NTAQ1: variants seen among roughly 807,000 people sequenced by gnomAD.
NTAQ1 encodes the protein protein N-terminal glutamine amidohydrolase.
In NTAQ1, 21 loss-of-function variants were observed where a neutral mutation model predicts 28.2. That is an observed-to-expected ratio of 0.74 (90% CI 0.53 to 1.07). The LOEUF is 1.07. Ranked by LOEUF, NTAQ1 falls within the 50% of genes least tolerant of loss-of-function variation. The pLI is 0.00. For missense variants in NTAQ1, 264 were observed against 256.6 expected, an observed-to-expected ratio of 1.03 and a Z score of -0.20; for synonymous variants, 105 against 90.0, an observed-to-expected ratio of 1.17 and a Z score of -0.94.
downstream of NTAQ1, among the ~76,000 whole-genome samples, chr8:123,472,199 A>T (rs1159123222): frequency 6.6e-6 from 1 of 152,192 alleles, no homozygotes; most frequent in East Asian, 1.9e-4. Flanking sequence ...GCTAAAAAAT[A>T]TCCAAAGCTA....
In NTAQ1 at chr8:123,438,875, C is replaced by G. The variant is rs559421294; in HGVS notation, c.508+1541C>G. 1.5e-3 allele frequency among the ~76,000 whole-genome samples: 233 copies of G among 152,224 alleles called. 1 individual carries two copies. Among genetic ancestry groups the G allele is most frequent in the Middle Eastern group, 0.014 (4 of 294 alleles). Reference sequence around the variant, plus strand: ...CTGCTTCCTGGCCTCAGTGTGAGAACTGGGGAAGCTCCCTGGTAAGGAGAG... The same window carrying G: ...CTGCTTCCTGGCCTCAGTGTGAGAAGTGGGGAAGCTCCCTGGTAAGGAGAG... On this transcript the variant is annotated intron_variant, in intron 5 of 5. Coordinates refer to ENST00000287387, the MANE Select transcript of NTAQ1 (RefSeq NM_018024.3).
downstream of NTAQ1, among the ~76,000 whole-genome samples, chr8:123,449,949 G>GTATATATA (rs772958901): frequency 1.2e-4 from 1 of 8,210 alleles, no homozygotes; most frequent in African/African-American, 2.4e-4. Flanking sequence ...GTGTGTGTGT[G>GTATATATA]CATATATATA....
intron 6 of NTAQ1, among the ~76,000 whole-genome samples, chr8:123,459,882 A>T (rs1170497035): frequency 2.0e-5 from 3 of 148,754 alleles, no homozygotes; most frequent in Non-Finnish European, 4.5e-5. Context: ...GCTCACCGCA[A>T]CCTCCGCCTC....
At chr8:123,420,893 G>A (rs572157969) in intron 1 of NTAQ1, among the ~76,000 whole-genome samples, 2 of 147,748 alleles carry the variant, frequency 1.4e-5, no homozygotes, top group African/African-American at 5.0e-5. Context: ...GGGTTCAAGC[G>A]GTTCTGCTTC....
downstream of NTAQ1, among the ~76,000 whole-genome samples, chr8:123,451,558 C>G (rs1051184629): frequency 2.6e-5 from 4 of 152,064 alleles, no homozygotes; most frequent in Admixed American, 1.3e-4. Flanking sequence ...AGTCTGGTCT[C>G]GAACTCTTGA....
downstream of NTAQ1, among the ~76,000 whole-genome samples, chr8:123,450,356 A>G (rs1031982061): frequency 2.0e-5 from 3 of 150,468 alleles, no homozygotes; most frequent in East Asian, 2.0e-4. Context: ...TGGGGATGAC[A>G]GCCTAATTTC....
Position 123,436,613 on chromosome 8 carries a change from C to G in NTAQ1, c.383+12C>G. ...CCACAGTTTAGGAGGTGAGGACATT[C>G]AAGATGGATTTACTTATTTTCTGAA... On this transcript the variant is annotated intron_variant, in intron 4 of 5. Coordinates refer to ENST00000287387, the MANE Select transcript of NTAQ1 (RefSeq NM_018024.3). 6.2e-7 allele frequency: 1 copy of G among 1,605,106 alleles called. No homozygotes were observed. Among genetic ancestry groups the G allele is most frequent in the Admixed American group, 1.7e-5 (1 of 57,850 alleles).
intron 6 of NTAQ1, among the ~76,000 whole-genome samples, chr8:123,459,725 C>T (rs112415818): frequency 0.022 from 3,300 of 152,022 alleles, 123 homozygotes; most frequent in African/African-American, 0.075. Context: ...CCTAGAACCC[C>T]TATTGCTCAG....
rs1376576359 is a variant in NTAQ1, at chr8:123,462,483, C to CTTCT, written c.373-4595_373-4592dup. On this transcript the variant is annotated intron_variant, in intron 6 of 6. Coordinates refer to the NTAQ1 transcript ENST00000650311. ...TTTTGAAGTACACAAGGCACTAGGACTTCTAAGGCACTCTCTTAGAAGCCT... is the reference window on the plus strand; with the variant it reads ...TTTTGAAGTACACAAGGCACTAGGACTTCTTTCTAAGGCACTCTCTTAGAAGCCT... 2.0e-5 allele frequency among the ~76,000 whole-genome samples: 3 copies of CTTCT among 152,302 alleles called. No individual in the cohort carries two copies. The East Asian group carries it at 5.8e-4, about 29-fold the overall frequency.
intron 1 of NTAQ1, among the ~76,000 whole-genome samples, chr8:123,427,126 C>G (rs1814105558): frequency 6.6e-6 from 1 of 152,074 alleles, no homozygotes; most frequent in Non-Finnish European, 1.5e-5. Context: ...CCATCCTGCC[C>G]CATTTCTAAA....
intron 6 of NTAQ1, among the ~76,000 whole-genome samples, chr8:123,456,325 G>T (rs561785623): frequency 2.0e-5 from 3 of 152,080 alleles, no homozygotes; most frequent in Non-Finnish European, 4.4e-5. Context: ...TTGCTCTGTC[G>T]CTCAGGCTGG....
rs1563892928 is a variant in NTAQ1, at chr8:123,437,350, T to C, written c.508+16T>C. 1 of 1,613,534 alleles carries C rather than the reference T, an allele frequency of 6.2e-7. No homozygotes were observed. The highest frequency in any genetic ancestry group is 8.5e-7 in the Non-Finnish European group (1 of 1,179,702). On this transcript the variant is annotated intron_variant, in intron 5 of 5. Coordinates refer to ENST00000287387, the MANE Select transcript of NTAQ1 (RefSeq NM_018024.3). ...GAGACTGGAGGTGAGCCAAGATGCCTTCTCAGATGGGGGTTCTGATTGATC... is the reference window on the plus strand; with the variant it reads ...GAGACTGGAGGTGAGCCAAGATGCCCTCTCAGATGGGGGTTCTGATTGATC...
intron 6 of NTAQ1, among the ~76,000 whole-genome samples, chr8:123,453,093 G>A (rs1281600083): frequency 6.6e-6 from 1 of 152,178 alleles, no homozygotes; most frequent in African/African-American, 2.4e-5. Context: ...ACACCGTTCT[G>A]GCACACGCTG....
At chr8:123,459,981 G>A (rs970610778) in intron 6 of NTAQ1, among the ~76,000 whole-genome samples, 1 of 151,886 alleles carries the variant, frequency 6.6e-6, no homozygotes, top group African/African-American at 2.4e-5. Flanking sequence ...TGTATTTTTA[G>A]TGGAGACGGG....
downstream of NTAQ1, among the ~76,000 whole-genome samples, chr8:123,471,017 C>T (rs941561159): frequency 6.6e-6 from 1 of 151,594 alleles, no homozygotes; most frequent in Non-Finnish European, 1.5e-5. Context: ...ACTTCCTGGG[C>T]TCAGGTGATC....
chr8:123,429,831 G>T, intron 2 of NTAQ1, 152 bp from the exon 3 acceptor site: 2 of 456,694 alleles, frequency 4.4e-6, no homozygotes, highest in African/African-American at 2.3e-5. Context: ...AGTAAGCCCA[G>T]ATTGTGCCAC....
At chr8:123,455,421 A>ATTTTTTTT (rs925294146) in intron 6 of NTAQ1, among the ~76,000 whole-genome samples, 2 of 115,482 alleles carry the variant, frequency 1.7e-5, no homozygotes, top group African/African-American at 6.9e-5. Flanking sequence ...ATGCCCAGAA[A>ATTTTTTTT]TTTTTTTTTT....
At chr8:123,450,890 A>G (rs1370597046), downstream of NTAQ1, among the ~76,000 whole-genome samples, 1 of 152,068 alleles carries the variant, frequency 6.6e-6, no homozygotes, top group Non-Finnish European at 1.5e-5. Flanking sequence ...TAAAAACCAG[A>G]CTATCTCATT....
Position 123,461,263 on chromosome 8 carries a change from C to A in NTAQ1, c.373-5816C>A, listed in dbSNP as rs936194708. Among the ~76,000 whole-genome samples, 5 of 152,132 alleles carry A rather than the reference C, an allele frequency of 3.3e-5. No homozygotes were observed. The South Asian group carries it at 1.0e-3, about 32-fold the overall frequency. ...CCAGGGTCCCCAGCAGCCTTGGTCC[C>A]CAGCTGCCCACAACAGCCTATCCTC... On this transcript the variant is annotated intron_variant, in intron 6 of 6. Coordinates refer to the NTAQ1 transcript ENST00000650311.
Sources: allele counts gnomAD v4.1 joint callset (sites outside exome capture counted in the v4.1 genomes callset), GRCh38; gene constraint gnomAD v4.1.1; transcripts MANE v1.5; gene names NCBI Gene and HGNC (gene_info 2026-07-23, HGNC 2026-07-21).